Variants in TMEM209 observed in about 807,000 individuals in gnomAD.
TMEM209 encodes testicular tissue protein Li 202.
In TMEM209, 65 loss-of-function variants were observed where a neutral mutation model predicts 76.2. That is an observed-to-expected ratio of 0.85 (90% confidence interval 0.70 to 1.05). The LOEUF (loss-of-function observed/expected upper bound fraction) is 1.05. Among genes scored for constraint, TMEM209 ranks in the 50% least tolerant of loss-of-function variants. The pLI is 0.00. For missense variants in TMEM209, 623 were observed against 685.5 expected, an observed-to-expected ratio of 0.91 and a Z score of 1.02; for synonymous variants, 239 against 237.6, an observed-to-expected ratio of 1.01 and a Z score of -0.06.
At chr7:130,193,650 C>T (rs1054517853) in intron 5 of TMEM209, among the ~76,000 whole-genome samples, 3 of 151,644 alleles carry the variant, frequency 2.0e-5, no homozygotes, top group Non-Finnish European at 4.4e-5. Context: ...GGGTATGATT[C>T]TAAGTACATG....
At chr7:130,202,716 G>A in intron 3 of TMEM209, 53 bp from the exon 4 acceptor site, 1 of 1,567,560 alleles carries the variant, frequency 6.4e-7, no homozygotes, top group Non-Finnish European at 8.6e-7. Flanking sequence ...GCATCTATTG[G>A]AGAACACAAA....
At position 130,201,964 on chromosome 7, in the gene TMEM209, C is replaced by G; in HGVS notation, c.459G>C (p.Lys153Asn). 1 of 1,613,810 alleles carries G rather than the reference C, an allele frequency of 6.2e-7. No individual in the cohort carries two copies. Among genetic ancestry groups the G allele is most frequent in the Non-Finnish European group, 8.5e-7 (1 of 1,179,866 alleles). The change falls in exon 5 of 15, where the codon AAG (lysine) becomes AAC (asparagine). Residue 153 changes from lysine to asparagine, a missense_variant. Lys to Asn is a moderately conservative substitution (Grantham distance 94). Coordinates refer to ENST00000397622, the MANE Select transcript of TMEM209 (RefSeq NM_032842.4). ...SPSRSPSTSP[K>N]FTTSCMTGYS... ...AACCAGTCATACAGCTGGTGGTGAA[C>G]TTGGGACTGGTACTGGGCGAACGAG... is the stretch of plus-strand genomic sequence containing the variant.
chr7:130,199,176 C>T (rs530284387), intron 5 of TMEM209, among the ~76,000 whole-genome samples: 2 of 152,152 alleles, frequency 1.3e-5, no homozygotes, highest in Admixed American at 1.3e-4. Context: ...ATACTACCAC[C>T]TTATTTTTAT....
intron 4 of TMEM209, 105 bp from the exon 5 acceptor site, chr7:130,202,196 A>AGTT (rs1491243769): frequency 7.3e-7 from 1 of 1,372,772 alleles, no homozygotes; most frequent in African/African-American, 1.5e-5. Flanking sequence ...AAAAGTTAAC[A>AGTT]GAGTTACTTG....
At chr7:130,186,062 T>C (rs1797587989) in intron 6 of TMEM209, among the ~76,000 whole-genome samples, 1 of 152,310 alleles carries the variant, frequency 6.6e-6, no homozygotes, top group South Asian at 2.1e-4. Context: ...GGAGCATTTT[T>C]TTTCCCTAGC....
chr7:130,166,235 C>T lies in TMEM209; in HGVS notation c.*216G>A, dbSNP rs184472546. The T allele has an allele frequency of 1.1e-5, 4 of 361,094 alleles. No homozygotes were observed. Among genetic ancestry groups the T allele is most frequent in the South Asian group, 1.1e-4 (1 of 9,200 alleles). The allele number at this position is 361,094 out of a possible 1,614,324, so 22.4% of individuals were successfully genotyped here. On this transcript the variant is annotated 3_prime_UTR_variant, in exon 15 of 15. Transcript: ENST00000397622. ...GTAGTCAACTGAAATTTCTGAAAAG[C>T]GATATAAAATTAAAGGCAATGTCTC...
chr7:130,170,583 A>T, intron 13 of TMEM209, 110 bp from the exon 14 acceptor site: 2 of 834,410 alleles, frequency 2.4e-6, no homozygotes, highest in South Asian at 1.8e-5. Flanking sequence ...AATTCCATAT[A>T]ATTCAGACTT....
rs531065349 is a variant in TMEM209, at chr7:130,177,911, A to T, written c.1246+491T>A. On this transcript the variant is annotated intron_variant, in intron 10 of 14. Transcript: ENST00000397622. ...TTCTAAAACTTGTCTTAGTGATGAG[A>T]ATCTTTTAAAAAGTTTATCCAAATT... is the stretch of plus-strand genomic sequence containing the variant. Among the ~76,000 whole-genome samples, 3 of 152,300 alleles carry T rather than the reference A, an allele frequency of 2.0e-5. No individual in the cohort carries two copies. In the East Asian group the frequency reaches 5.8e-4, roughly 29 times the overall value.
chr7:130,202,783 T>C lies in TMEM209; in HGVS notation c.200-120A>G, dbSNP rs144011361. ...TTCTTATTCCTCATAAAAACTATAA[T>C]TTAATGAATGTTATGTGTAGGGTGG... On this transcript the variant is annotated intron_variant, in intron 3 of 14. Coordinates refer to ENST00000397622, the MANE Select transcript of TMEM209 (RefSeq NM_032842.4). 3.6e-5 allele frequency: 42 copies of C among 1,176,886 alleles called. No individual in the cohort carries two copies. The African/African-American group carries it at 4.2e-4, about 12-fold the overall frequency. The allele number at this position is 1,176,886 out of a possible 1,614,324, so 72.9% of individuals were successfully genotyped here. A position where few individuals can be genotyped will look rare whatever the true frequency, so the allele number is the denominator to read the frequency against.
Position 130,185,232 on chromosome 7 carries a change from T to G in TMEM209, c.911A>C (p.Lys304Thr), listed in dbSNP as rs1311921554. 6.2e-7 allele frequency: 1 copy of G among 1,613,942 alleles called. No homozygotes were observed. Among genetic ancestry groups the G allele is most frequent in the Non-Finnish European group, 8.5e-7 (1 of 1,179,824 alleles). Residue 304 changes from lysine to threonine, a missense_variant, in exon 7 of 15, where the codon AAA (lysine) becomes ACA (threonine). Transcript: ENST00000397622. ...ACRSQAPCAN[K>T]DEADLSSKQA... is the part of the protein sequence containing the mutation. ...TTTAGAGCTGAGATCGGCTTCATCT[T>G]TGTTAGCACATGGGGCCTGAGACCT...
chr7:130,175,031 C>T (rs1395502600), intron 11 of TMEM209: 1 of 151,972 alleles, frequency 6.6e-6, no homozygotes, highest in Non-Finnish European at 1.5e-5. Context: ...AAAAAATACA[C>T]AAAAATATTA....
intron 5 of TMEM209, among the ~76,000 whole-genome samples, chr7:130,195,241 A>T (rs1797930914): frequency 6.6e-6 from 1 of 152,154 alleles, no homozygotes; most frequent in African/African-American, 2.4e-5. Flanking sequence ...GAAAATCTTT[A>T]TAACAGTATC....
At chr7:130,192,257 G>T in intron 6 of TMEM209, 1 of 208,552 alleles carries the variant, frequency 4.8e-6, no homozygotes. Context: ...CTTTCAGCCT[G>T]CTCTGCCACA....
In TMEM209 at chr7:130,205,354, C is replaced by T. The variant is rs773118007; in HGVS notation, c.3+19G>A. The T allele has an allele frequency of 1.2e-6, 2 of 1,613,756 alleles. No individual in the cohort carries two copies. The highest frequency in any genetic ancestry group is 2.2e-5 in the East Asian group (1 of 44,878). On this transcript the variant is annotated intron_variant, in intron 1 of 14. Coordinates refer to ENST00000397622, the MANE Select transcript of TMEM209 (RefSeq NM_032842.4). Reference sequence around the variant, plus strand: ...TAGATTCCAAGACAGGAAGCACAAACACGACCCCGAAAACGCACCATGTCC... The same window carrying T: ...TAGATTCCAAGACAGGAAGCACAAATACGACCCCGAAAACGCACCATGTCC...
intron 6 of TMEM209, among the ~76,000 whole-genome samples, chr7:130,189,329 T>TG (rs1298953950): frequency 6.6e-6 from 1 of 152,130 alleles, no homozygotes; most frequent in African/African-American, 2.4e-5. Flanking sequence ...CCAGAGTGGC[T>TG]GGGATACAGG....
rs199551332 is a variant in TMEM209 at position 130,185,221 on chromosome 7, C to T, written c.922G>A (p.Asp308Asn). The T allele has an allele frequency of 4.4e-5, 71 of 1,613,566 alleles. No homozygotes were observed. The highest frequency in any genetic ancestry group is 1.7e-4 in the Admixed American group (10 of 59,966). The change falls in exon 7 of 15, where the codon GAT (aspartate) becomes AAT (asparagine). Residue 308 changes from aspartate (D) to asparagine (N), a missense_variant. Coordinates refer to ENST00000397622, the MANE Select transcript of TMEM209 (RefSeq NM_032842.4). ...TCTGCGGCTTGTTTAGAGCTGAGATCGGCTTCATCTTTGTTAGCACATGGG... is the reference window on the plus strand; with the variant it reads ...TCTGCGGCTTGTTTAGAGCTGAGATTGGCTTCATCTTTGTTAGCACATGGG... ...QAPCANKDEADLSSKQAAEEV... is the reference protein window; with the variant it reads ...QAPCANKDEANLSSKQAAEEV...
At chr7:130,183,895 C>A (rs1374021584) in intron 8 of TMEM209, among the ~76,000 whole-genome samples, 1 of 152,084 alleles carries the variant, frequency 6.6e-6, no homozygotes, top group African/African-American at 2.4e-5. Flanking sequence ...TAGAAAAGCT[C>A]TTTGGAAAAT....
intron 7 of TMEM209, 142 bp from the exon 8 acceptor site, chr7:130,184,397 C>G: frequency 1.7e-6 from 1 of 590,910 alleles, no homozygotes; most frequent in Non-Finnish European, 2.9e-6. Flanking sequence ...AATTAATATT[C>G]AGTAATTTTC....
At chr7:130,183,014 TA>T (rs1183286185) in intron 8 of TMEM209, among the ~76,000 whole-genome samples, 10 of 152,320 alleles carry the variant, frequency 6.6e-5, no homozygotes, top group African/African-American at 2.2e-4. Flanking sequence ...ATGTATTGCT[TA>T]AAAAAATCCA....
Sources: allele counts gnomAD v4.1 joint callset (sites outside exome capture counted in the v4.1 genomes callset), GRCh38; gene constraint gnomAD v4.1.1; transcripts MANE v1.5; gene names NCBI Gene and HGNC (gene_info 2026-07-23, HGNC 2026-07-21).